The following ITPRID2 variants were observed in gnomAD, a reference collection of about 807,000 sequenced individuals.
ITPRID2 encodes protein ITPRID2.
Under a neutral mutation model 124.3 loss-of-function variants are expected in ITPRID2, and 60 were observed. That is an observed-to-expected ratio of 0.48 (90% CI 0.39 to 0.60). The LOEUF is 0.60. Among genes scored for constraint, ITPRID2 ranks in the 20% least tolerant of loss-of-function variants. The pLI is 0.00. For synonymous variants in ITPRID2, 521 were observed against 542.9 expected, an observed-to-expected ratio of 0.96 and a Z score of 0.56; for missense variants, 1,553 against 1,512.2, an observed-to-expected ratio of 1.03 and a Z score of -0.45.
At chr2:181,901,691 A>G (rs1692677856) in intron 7 of ITPRID2, 75 bp from the exon 8 acceptor site, 1 of 1,065,094 alleles carries the variant, frequency 9.4e-7, no homozygotes, top group Non-Finnish European at 1.3e-6. Flanking sequence ...AATTCTAAAC[A>G]ATAATATGCA....
At chr2:181,900,489 T>G (rs1292776984) in intron 6 of ITPRID2, among the ~76,000 whole-genome samples, 1 of 152,182 alleles carries the variant, frequency 6.6e-6, no homozygotes, top group Non-Finnish European at 1.5e-5. Flanking sequence ...CTCTAGCAAC[T>G]TGAGACAATG....
chr2:181,919,349 A>G lies in ITPRID2; in HGVS notation c.3047A>G (p.Gln1016Arg), dbSNP rs766805938. 6.2e-7 allele frequency: 1 copy of G among 1,614,168 alleles called. No individual in the cohort carries two copies. The highest frequency in any genetic ancestry group is 2.2e-5 in the East Asian group (1 of 44,886). Residue 1016 changes from glutamine to arginine, a missense_variant, in exon 14 of 18, where the codon CAG (glutamine) becomes CGG (arginine). Transcript: ENST00000431877. This position sits in a 1 kb window ranked among gnomAD's most constrained non-coding sequence, Gnocchi z 4.2. The part of the protein sequence containing the change: ...GLRNSVRMEL[Q>R]DLELQLEERL... ...AGAAATTCAGTCCGAATGGAACTTC[A>G]GGACCTGGAACTGCAGCTGGAGGAG...
At chr2:181,906,793 A>G (rs1376102657) in intron 8 of ITPRID2, among the ~76,000 whole-genome samples, 1 of 152,190 alleles carries the variant, frequency 6.6e-6, no homozygotes, top group Non-Finnish European at 1.5e-5. Context: ...TAATTGTCAG[A>G]GGCCGTTAGC....
Position 181,907,929 on chromosome 2 carries a change from T to TGTAG in ITPRID2, c.1414-1969_1414-1966dup. Among the ~76,000 whole-genome samples, 1 of 152,206 alleles carries TGTAG rather than the reference T, an allele frequency of 6.6e-6. No individual in the cohort carries two copies. Among genetic ancestry groups the TGTAG allele is most frequent in the East Asian group, 1.9e-4 (1 of 5,198 alleles). ...CTTTCTTGCACTTAATTATGGAGTT[T>TGTAG]GTAGTAAAAGGAGAGAGTAGATTTG... On this transcript the variant is annotated intron_variant, in intron 8 of 17. Transcript: ENST00000431877. The surrounding 1 kb of genome is among the most constrained non-coding windows in gnomAD (Gnocchi z 5.1).
At position 181,901,865 on chromosome 2, in the gene ITPRID2, T is replaced by C. The variant is rs1692693636; in HGVS notation, c.812T>C (p.Met271Thr). Residue 271 changes from methionine (M) to threonine (T), a missense_variant, in exon 8 of 18, where the codon ATG becomes ACG. Met to Thr is a moderately conservative substitution (Grantham distance 81, BLOSUM62 -1). Coordinates refer to ENST00000431877, the MANE Select transcript of ITPRID2 (RefSeq NM_001130445.3). ...SGTPLQRIGS[M>T]SSVTSNKETD... ...ACGCCCCTGCAGAGAATTGGAAGTA[T>C]GTCCTCAGTGACCTCTAACAAGGAG... 1 of 1,613,848 alleles carries C rather than the reference T, an allele frequency of 6.2e-7. No homozygotes were observed. Among genetic ancestry groups the C allele is most frequent in the African/African-American group, 1.3e-5 (1 of 74,918 alleles).
At position 181,891,919 on chromosome 2, in the gene ITPRID2, CCCTCCTCCT is replaced by C. The variant is rs554422909; in HGVS notation, c.-133_-125del. ...TTCCTTCCCTCCCTCCCTCCCTGTC[CCCTCCTCCT>C]CCTCCTCCTCCTCCGGCGCCCGCTT... On this transcript the variant is annotated 5_prime_UTR_variant, in exon 1 of 18. Coordinates refer to ENST00000431877, the MANE Select transcript of ITPRID2 (RefSeq NM_001130445.3). 9.8e-5 allele frequency: 55 copies of C among 563,172 alleles called. No homozygotes were observed. The highest frequency in any genetic ancestry group is 1.4e-4 in the Non-Finnish European group (45 of 323,710). The allele number at this position is 563,172 out of a possible 1,614,324, so 34.9% of individuals were successfully genotyped here.
intron 2 of ITPRID2, among the ~76,000 whole-genome samples, chr2:181,895,359 A>G (rs1002572801): frequency 6.6e-6 from 1 of 152,112 alleles, no homozygotes. Flanking sequence ...GAATGAAAAA[A>G]TTTTAGCAAT....
At chr2:181,924,956 G>T (rs1694739110) in intron 16 of ITPRID2, among the ~76,000 whole-genome samples, 1 of 152,166 alleles carries the variant, frequency 6.6e-6, no homozygotes, top group South Asian at 2.1e-4. Context: ...TAAATAAAAA[G>T]ATTACTTAAT....
rs186579350 is a variant in ITPRID2, at chr2:181,911,519, A to G, written c.1486+1548A>G. Among the ~76,000 whole-genome samples, 360 of 152,340 alleles carry G rather than the reference A, an allele frequency of 2.4e-3. 1 individual carries two copies. Among genetic ancestry groups the G allele is most frequent in the African/African-American group, 7.8e-3 (326 of 41,588 alleles). Reference sequence around the variant, plus strand: ...TTCTTTAGTCTAGGAGAGAATAGATAGACAGTTGTTTGGTTTCTTTATGAT... The same window carrying G: ...TTCTTTAGTCTAGGAGAGAATAGATGGACAGTTGTTTGGTTTCTTTATGAT... On this transcript the variant is annotated intron_variant, in intron 9 of 17. Coordinates refer to ENST00000431877, the MANE Select transcript of ITPRID2 (RefSeq NM_001130445.3).
rs1158366563 is a variant in ITPRID2 at position 181,892,234 on chromosome 2, G to A, written c.168G>A (p.Glu56=). ...ATTQDEEEDE[E]EDLPGAQLPA... is the part of the protein sequence containing the mutation. ...CGCAGGACGAGGAGGAGGACGAGGA[G>A]GAGGACCTCCCCGGCGCGCAGCTGC... is the stretch of plus-strand genomic sequence containing the variant. Residue 56 remains glutamate (E), a synonymous_variant, in exon 1 of 18, where the codon GAG becomes GAA. Transcript: ENST00000431877. This position sits in a 1 kb window ranked among gnomAD's most constrained non-coding sequence, Gnocchi z 5.2. 3.9e-6 allele frequency: 6 copies of A among 1,550,584 alleles called. No homozygotes were observed. The highest frequency in any genetic ancestry group is 2.0e-5 in the Admixed American group (1 of 50,976).
Position 181,916,128 on chromosome 2 carries a change from A to G in ITPRID2, c.2488A>G (p.Thr830Ala), listed in dbSNP as rs574530933. The G allele has an allele frequency of 7.4e-6, 12 of 1,614,070 alleles. No individual in the cohort carries two copies. The highest frequency in any genetic ancestry group is 4.4e-5 in the South Asian group (4 of 91,084). The change falls in exon 11 of 18, where the codon ACC becomes GCC. Residue 830 changes from threonine to alanine, a missense_variant. Transcript: ENST00000431877. ...GGAATGCCATCATGGAAGGACTCCT[A>G]CCTGTTCACGGCTTGCTCCACCACC... The part of the protein sequence containing the change: ...VEECHHGRTP[T>A]CSRLAPPPMS...
At chr2:181,903,001 C>T (rs542463967) in intron 8 of ITPRID2, among the ~76,000 whole-genome samples, 48 of 152,132 alleles carry the variant, frequency 3.2e-4, no homozygotes, top group Non-Finnish European at 6.3e-4. Context: ...CTAGAATTAG[C>T]AGGTTTGAAA....
chr2:181,902,651 G>A lies in ITPRID2; in HGVS notation c.1413+185G>A, dbSNP rs1692768680. Among the ~76,000 whole-genome samples the A allele has an allele frequency of 6.6e-6, 1 of 152,210 alleles. No homozygotes were observed. The highest frequency in any genetic ancestry group is 2.4e-5 in the African/African-American group (1 of 41,454). On this transcript the variant is annotated intron_variant, in intron 8 of 17. Coordinates refer to ENST00000431877, the MANE Select transcript of ITPRID2 (RefSeq NM_001130445.3). This position sits in a 1 kb window ranked among gnomAD's most constrained non-coding sequence, Gnocchi z 4.4. ...CAGGATAATGTGATGTCGAGGTAAT[G>A]GGACAGTTCAGTAACTCCTCCAGAT...
At position 181,902,061 on chromosome 2, in the gene ITPRID2, C is replaced by T; in HGVS notation, c.1008C>T (p.Gly336=). 11 of 1,611,544 alleles carry T rather than the reference C, an allele frequency of 6.8e-6. No homozygotes were observed. The highest frequency in any genetic ancestry group is 9.3e-6 in the Non-Finnish European group (11 of 1,179,274). Residue 336 remains glycine, a synonymous_variant, in exon 8 of 18, where the codon GGC becomes GGT. Coordinates refer to ENST00000431877, the MANE Select transcript of ITPRID2 (RefSeq NM_001130445.3). The surrounding 1 kb of genome is among the most constrained non-coding windows in gnomAD (Gnocchi z 4.4). ...ILNVSVIEES[G]NKNDQKSQKI... is the part of the protein sequence containing the mutation. ...ATGTTTCAGTGATTGAAGAAAGTGGCAATAAAAACGATCAAAAGTCTCAAA... is the reference window on the plus strand; with the variant it reads ...ATGTTTCAGTGATTGAAGAAAGTGGTAATAAAAACGATCAAAAGTCTCAAA...
Position 181,916,228 on chromosome 2 carries a change from G to T in ITPRID2, c.2588G>T (p.Arg863Ile), listed in dbSNP as rs867950490. Residue 863 changes from arginine to isoleucine, a missense_variant, in exon 11 of 18, where the codon AGA becomes ATA. Arg to Ile is a moderately conservative substitution (Grantham distance 97). Transcript: ENST00000431877. ...WQERPLCEHT[R>I]TLSTHSVPNI... ...GAAAGGCCCCTGTGTGAGCACACAA[G>T]AACTCTGAGCACTCACAGTGTTCCC... is the stretch of plus-strand genomic sequence containing the variant. 1.2e-6 allele frequency: 2 copies of T among 1,614,186 alleles called. No individual in the cohort carries two copies. The highest frequency in any genetic ancestry group is 1.1e-5 in the South Asian group (1 of 91,084).
rs763359444 is a variant in ITPRID2, at chr2:181,929,612, A to G, written c.*65A>G. 2 of 1,613,132 alleles carry G rather than the reference A, an allele frequency of 1.2e-6. No homozygotes were observed. The highest frequency in any genetic ancestry group is 2.2e-5 in the South Asian group (2 of 91,020). On this transcript the variant is annotated 3_prime_UTR_variant, in exon 18 of 18. Coordinates refer to ENST00000431877, the MANE Select transcript of ITPRID2 (RefSeq NM_001130445.3). The stretch of plus-strand genomic sequence containing the variant: ...AATACTGGAATTATCAATGATATGC[A>G]CTGGTGGAGGTGTTATTTGTGCTTT...
intron 4 of ITPRID2, among the ~76,000 whole-genome samples, chr2:181,897,632 T>C (rs983679969): frequency 1.3e-5 from 2 of 151,974 alleles, no homozygotes; most frequent in Non-Finnish European, 2.9e-5. Context: ...AAAGCTATTT[T>C]ATAGCTCATT....
chr2:181,918,416 G>A (rs112008934), intron 11 of ITPRID2, 182 bp from the exon 12 acceptor site: 1 of 1,381,620 alleles, frequency 7.2e-7, no homozygotes. Context: ...GGAACAGCTA[G>A]CAGTACTAGG....
intron 17 of ITPRID2, among the ~76,000 whole-genome samples, chr2:181,928,877 C>T (rs1042891004): frequency 3.3e-5 from 5 of 152,086 alleles, no homozygotes; most frequent in African/African-American, 7.2e-5. Flanking sequence ...CCGCCCGCCT[C>T]GGCCTCCCAA....
Sources: gnomAD v4.1 joint callset for allele counts (sites outside exome capture counted in the v4.1 genomes callset) on GRCh38, gnomAD v4.1.1 for gene constraint, Gnocchi (gnomAD v3.1) non-coding constraint, MANE v1.5 for transcripts, NCBI Gene and HGNC (gene_info 2026-07-23, HGNC 2026-07-21) for gene names.